The following CDYL2 variants were observed in gnomAD, a reference collection of about 807,000 sequenced individuals.
CDYL2 encodes chromodomain Y like 2, also known as chromodomain Y-like protein 2.
In CDYL2, 23 loss-of-function variants were observed where a neutral mutation model predicts 49.4. That is an observed-to-expected ratio of 0.47 (90% CI 0.34 to 0.66). The LOEUF is 0.66. CDYL2 is among the 30% of genes least tolerant of loss of function. The pLI is 0.01. For synonymous variants in CDYL2, 360 were observed against 268.8 expected, an observed-to-expected ratio of 1.34 and a Z score of -3.32; for missense variants, 678 against 656.4, an observed-to-expected ratio of 1.03 and a Z score of -0.36.
At chr16:80,716,375 T>G (rs1904798947) in intron 1 of CDYL2, among the ~76,000 whole-genome samples, 1 of 152,216 alleles carries the variant, frequency 6.6e-6, no homozygotes, top group African/African-American at 2.4e-5. Context: ...CCTGACATAC[T>G]GGATGGCTGG....
At chr16:80,790,031 C>T (rs1267693647) in intron 1 of CDYL2, among the ~76,000 whole-genome samples, 2 of 152,194 alleles carry the variant, frequency 1.3e-5, no homozygotes, top group African/African-American at 4.8e-5. Flanking sequence ...CAAACTAGCA[C>T]ATGTACCCCA....
chr16:80,662,833 G>A (rs1909102740), intron 2 of CDYL2: 1 of 448,412 alleles, frequency 2.2e-6, no homozygotes, highest in African/African-American at 2.0e-5. Flanking sequence ...TCTTGACAAG[G>A]ATTTTCTCAA....
At chr16:80,687,741 T>C (rs12444723) in intron 1 of CDYL2, among the ~76,000 whole-genome samples, 6,494 of 152,318 alleles carry the variant, frequency 0.043, 156 homozygotes, top group Middle Eastern at 0.054. Context: ...GCTATGCCTC[T>C]TATCATGTGT....
intron 1 of CDYL2, among the ~76,000 whole-genome samples, chr16:80,712,898 C>A (rs531898346): frequency 6.6e-6 from 1 of 152,242 alleles, no homozygotes; most frequent in East Asian, 1.9e-4. Context: ...CAAAGGGGTA[C>A]CAGCTTCCTT....
intron 1 of CDYL2, among the ~76,000 whole-genome samples, chr16:80,710,967 T>C (rs1904575778): frequency 6.6e-6 from 1 of 152,358 alleles, no homozygotes; most frequent in Admixed American, 6.5e-5. Context: ...CAAATCTGAA[T>C]CCTGAACTAC....
intron 2 of CDYL2, among the ~76,000 whole-genome samples, chr16:80,634,981 T>C (rs1367421182): frequency 2.6e-5 from 4 of 152,212 alleles, no homozygotes. Flanking sequence ...TCCATGAGGC[T>C]TGAGTTGCCC....
At chr16:80,611,409 G>C (rs536663910) in intron 5 of CDYL2, among the ~76,000 whole-genome samples, 1 of 152,306 alleles carries the variant, frequency 6.6e-6, no homozygotes, top group African/African-American at 2.4e-5. Context: ...GCTGAATTCA[G>C]AGTTTGTGGC....
At chr16:80,779,139 G>A (rs998899997) in intron 1 of CDYL2, among the ~76,000 whole-genome samples, 2 of 151,996 alleles carry the variant, frequency 1.3e-5, no homozygotes, top group Non-Finnish European at 2.9e-5. Context: ...ACAGTGAGAT[G>A]AGAAAGAAGC....
intron 1 of CDYL2, among the ~76,000 whole-genome samples, chr16:80,740,020 G>C (rs1251613762): frequency 6.6e-6 from 1 of 152,194 alleles, no homozygotes; most frequent in East Asian, 1.9e-4. Flanking sequence ...GTGGAGGGTG[G>C]TGGGTGCCAG....
rs1272687401 is a variant in CDYL2 at position 80,621,667 on chromosome 16, C to T, written c.835-732G>A. ...CATTCCTGGGAGGTAGTGATGAATTCTGGATAAAAGGCATTTTGTTCCTCC... is the reference window on the plus strand; with the variant it reads ...CATTCCTGGGAGGTAGTGATGAATTTTGGATAAAAGGCATTTTGTTCCTCC... On this transcript the variant is annotated intron_variant, in intron 3 of 6. Transcript: ENST00000570137. Among the ~76,000 whole-genome samples the T allele has an allele frequency of 1.3e-4, 20 of 152,218 alleles. 1 individual carries two copies. The highest frequency in any genetic ancestry group is 3.4e-4 in the African/African-American group (14 of 41,460).
At chr16:80,621,710 G>C (rs1054884298) in intron 3 of CDYL2, among the ~76,000 whole-genome samples, 4 of 152,236 alleles carry the variant, frequency 2.6e-5, no homozygotes, top group African/African-American at 9.6e-5. Context: ...GCCAGTAAAG[G>C]TGCCATCTGA....
At chr16:80,761,089 T>A (rs909862614) in intron 1 of CDYL2, among the ~76,000 whole-genome samples, 11 of 152,066 alleles carry the variant, frequency 7.2e-5, no homozygotes, top group African/African-American at 2.7e-4. Context: ...GGAGAGAGGG[T>A]ACAAGGACGC....
At chr16:80,804,071 G>GC in intron 1 of CDYL2, 79 bp downstream of exon 1, 1 of 929,740 alleles carries the variant, frequency 1.1e-6, no homozygotes, top group Non-Finnish European at 1.3e-6. Flanking sequence ...CCCGGCCCCG[G>GC]CCCGGTCCCC....
intron 2 of CDYL2, among the ~76,000 whole-genome samples, chr16:80,640,623 G>A (rs953957656): frequency 2.6e-5 from 4 of 152,124 alleles, no homozygotes; most frequent in Admixed American, 6.5e-5. Context: ...ACTAACCCTG[G>A]AGCAAGGGAG....
In CDYL2 at chr16:80,804,597, C is replaced by T. The variant is rs1423911748; in HGVS notation, c.-424G>A. Among the ~76,000 whole-genome samples the T allele has an allele frequency of 1.4e-5, 2 of 145,370 alleles. No homozygotes were observed. The highest frequency in any genetic ancestry group is 3.1e-5 in the Non-Finnish European group (2 of 65,400). The stretch of plus-strand genomic sequence containing the variant: ...GCCGCCGGCCCGGACGCTGCTGCCA[C>T]TGGGCGAGTCCCCGCCCCCCGGGAG... On this transcript the variant is annotated 5_prime_UTR_variant, in exon 1 of 7. It adds an upstream start codon to the 5' untranslated region. Coordinates refer to ENST00000570137, the MANE Select transcript of CDYL2 (RefSeq NM_152342.4).
intron 1 of CDYL2, among the ~76,000 whole-genome samples, chr16:80,714,753 G>C (rs1428406417): frequency 6.6e-6 from 1 of 152,154 alleles, no homozygotes; most frequent in Admixed American, 6.5e-5. Flanking sequence ...AATCCAACTA[G>C]CTCCAAGGCT....
chr16:80,619,083 G>A (rs1906961066), intron 4 of CDYL2, among the ~76,000 whole-genome samples: 1 of 152,092 alleles, frequency 6.6e-6, no homozygotes, highest in African/African-American at 2.4e-5. Context: ...GGTGGCTGCT[G>A]GCCATTCTTG....
At chr16:80,630,131 C>G (rs1024076171) in intron 3 of CDYL2, among the ~76,000 whole-genome samples, 6 of 152,180 alleles carry the variant, frequency 3.9e-5, no homozygotes, top group Non-Finnish European at 8.8e-5. Context: ...GCTGCTTTAC[C>G]CAGTCAGCTG....
intron 2 of CDYL2, among the ~76,000 whole-genome samples, chr16:80,634,889 CCAAA>C (rs1462735919): frequency 1.3e-5 from 2 of 152,108 alleles, no homozygotes; most frequent in African/African-American, 2.4e-5. Flanking sequence ...AAGAATTATA[CCAAA>C]CATTTTTGGA....
Sources: allele counts gnomAD v4.1 joint callset (sites outside exome capture counted in the v4.1 genomes callset), GRCh38; gene constraint gnomAD v4.1.1; transcripts MANE v1.5; gene names NCBI Gene and HGNC (gene_info 2026-07-23, HGNC 2026-07-21).